ABCB10: variants seen among roughly 807,000 people sequenced by gnomAD.
ABCB10 encodes the protein ATP-binding cassette sub-family B member 10, mitochondrial.
A neutral mutation model predicts 65.4 loss-of-function variants in ABCB10; 54 were observed. The observed-to-expected ratio is 0.83, with a 90% CI of 0.66 to 1.04. The LOEUF (loss-of-function observed/expected upper bound fraction) is 1.04, where lower values mean the gene tolerates loss of function less well. Among genes scored for constraint, ABCB10 ranks in the 50% least tolerant of loss-of-function variants. The pLI, the probability that ABCB10 is intolerant of heterozygous loss-of-function variation, is 0.00. For missense variants in ABCB10, 846 were observed against 976.6 expected, an observed-to-expected ratio of 0.87 and a Z score of 1.78; for synonymous variants, 418 against 406.5, an observed-to-expected ratio of 1.03 and a Z score of -0.34.
intron 3 of ABCB10, among the ~76,000 whole-genome samples, chr1:229,543,813 C>T (rs1662906285): frequency 6.6e-6 from 1 of 152,092 alleles, no homozygotes; most frequent in Non-Finnish European, 1.5e-5. Context: ...ATAGGAATGT[C>T]CCACCCTGAG....
chr1:229,543,110 A>G (rs1662889837), intron 3 of ABCB10, among the ~76,000 whole-genome samples: 1 of 149,982 alleles, frequency 6.7e-6, no homozygotes, highest in African/African-American at 2.5e-5. Flanking sequence ...CGCCTGGGCA[A>G]CAAGAGCAAA....
At chr1:229,524,163 G>GTTT (rs111746133) in intron 10 of ABCB10, among the ~76,000 whole-genome samples, 1 of 144,804 alleles carries the variant, frequency 6.9e-6, no homozygotes, top group African/African-American at 2.5e-5. Context: ...CAAGTTTTTT[G>GTTT]TTTTTTTTTT....
chr1:229,554,100 A>G (rs1217146915), intron 1 of ABCB10, among the ~76,000 whole-genome samples: 1 of 152,204 alleles, frequency 6.6e-6, no homozygotes, highest in Non-Finnish European at 1.5e-5. Context: ...TTTGGTTTTT[A>G]GACATGTTTG....
chr1:229,521,679 T>A (rs1407159106), intron 10 of ABCB10, 44 bp from the exon 11 acceptor site: 30 of 1,604,862 alleles, frequency 1.9e-5, no homozygotes, highest in Non-Finnish European at 2.4e-5. Flanking sequence ...CAACAAAAAA[T>A]CTTAGTAATA....
At chr1:229,556,830 T>A (rs1165650891) in intron 1 of ABCB10, among the ~76,000 whole-genome samples, 1 of 152,230 alleles carries the variant, frequency 6.6e-6, no homozygotes, top group Admixed American at 6.5e-5. Flanking sequence ...GGTCATTTAT[T>A]CCTTCACTGA....
chr1:229,524,287 G>A lies in ABCB10; in HGVS notation c.1906+1649C>T, dbSNP rs372280988. 4.4e-4 allele frequency among the ~76,000 whole-genome samples: 67 copies of A among 151,768 alleles called. No homozygotes were observed. The South Asian group carries it at 0.012, about 28-fold the overall frequency. ...AGCAGTACTCCTACCTCAGCCTCCC[G>A]AGTAGCTGGGACCATAAGTGCTCAC... On this transcript the variant is annotated intron_variant, in intron 10 of 12. Transcript: ENST00000344517.
chr1:229,542,433 T>C (rs1662874914), intron 3 of ABCB10, 62 bp from the exon 4 acceptor site: 1 of 1,569,072 alleles, frequency 6.4e-7, no homozygotes, highest in Admixed American at 1.8e-5. Flanking sequence ...ACATTCTCAT[T>C]ACCTACGAAA....
At chr1:229,530,899 G>A (rs73099806) in intron 7 of ABCB10, among the ~76,000 whole-genome samples, 3,815 of 152,306 alleles carry the variant, frequency 0.025, 165 homozygotes, top group African/African-American at 0.085. Flanking sequence ...GAACTGGAGG[G>A]GTCAGAGGTC....
At chr1:229,533,099 C>A (rs1378913912) in intron 6 of ABCB10, among the ~76,000 whole-genome samples, 1 of 151,924 alleles carries the variant, frequency 6.6e-6, no homozygotes, top group East Asian at 1.9e-4. Context: ...GTGTCACCGT[C>A]CCTGGTCTCT....
chr1:229,550,828 C>T (rs1012297031), intron 1 of ABCB10, among the ~76,000 whole-genome samples: 6 of 151,340 alleles, frequency 4.0e-5, no homozygotes, highest in African/African-American at 1.5e-4. Flanking sequence ...TGTGCTGCTA[C>T]ACTCCAGCCT....
intron 6 of ABCB10, among the ~76,000 whole-genome samples, chr1:229,538,693 G>A (rs1033077547): frequency 1.3e-5 from 2 of 152,098 alleles, no homozygotes; most frequent in African/African-American, 2.4e-5. Context: ...AGATGTCTAC[G>A]GAAATGCCTC....
intron 1 of ABCB10, among the ~76,000 whole-genome samples, chr1:229,551,436 G>A (rs1177499382): frequency 6.6e-6 from 1 of 152,242 alleles, no homozygotes; most frequent in Non-Finnish European, 1.5e-5. Flanking sequence ...ATTGCCTACA[G>A]TGACAGGCAC....
intron 6 of ABCB10, among the ~76,000 whole-genome samples, chr1:229,532,579 A>G (rs182002946): frequency 7.8e-4 from 118 of 151,228 alleles, no homozygotes; most frequent in Non-Finnish European, 1.4e-3. Flanking sequence ...ATGTAATGCT[A>G]TGTTTAAAAA....
At chr1:229,556,141 C>G (rs2102713754) in intron 1 of ABCB10, among the ~76,000 whole-genome samples, 1 of 152,234 alleles carries the variant, frequency 6.6e-6, no homozygotes, top group Admixed American at 6.5e-5. Flanking sequence ...TTTGGAAGGC[C>G]AAGGTGGGCA....
chr1:229,525,869 A>T, intron 10 of ABCB10, 67 bp downstream of exon 10: 2 of 1,523,206 alleles, frequency 1.3e-6, no homozygotes, highest in South Asian at 1.3e-5. Context: ...CAAACAAAAA[A>T]AACAAGAAAC....
intron 4 of ABCB10, 94 bp from the exon 5 acceptor site, chr1:229,540,846 T>G (rs1460253812): frequency 7.2e-7 from 1 of 1,393,502 alleles, no homozygotes; most frequent in Non-Finnish European, 9.6e-7. Flanking sequence ...ATTTTGTTAT[T>G]CATTAGAAAG....
At chr1:229,555,724 T>C (rs920759414) in intron 1 of ABCB10, among the ~76,000 whole-genome samples, 1 of 152,202 alleles carries the variant, frequency 6.6e-6, no homozygotes, top group African/African-American at 2.4e-5. Flanking sequence ...AGTGTTTTGA[T>C]TAGAAAATAC....
At chr1:229,525,696 G>A in intron 10 of ABCB10, among the ~76,000 whole-genome samples, 1 of 152,090 alleles carries the variant, frequency 6.6e-6, no homozygotes, top group East Asian at 1.9e-4. Context: ...GCTGGACGTG[G>A]TGGCAGGCAC....
chr1:229,542,959 C>G (rs1316887449), intron 3 of ABCB10, among the ~76,000 whole-genome samples: 1 of 151,840 alleles, frequency 6.6e-6, no homozygotes, highest in Non-Finnish European at 1.5e-5. Flanking sequence ...GGTGAAACCC[C>G]ATCTCTACTA....
Sources: gnomAD v4.1 joint callset for allele counts (sites outside exome capture counted in the v4.1 genomes callset) on GRCh38, gnomAD v4.1.1 for gene constraint, MANE v1.5 for transcripts, NCBI Gene and HGNC (gene_info 2026-07-23, HGNC 2026-07-21) for gene names.